Variants in TENM2 observed in about 807,000 individuals in gnomAD.
TENM2 encodes teneurin transmembrane protein 2.
In TENM2, 52 loss-of-function variants were observed where a neutral mutation model predicts 245.2. The ratio of observed to expected loss-of-function variants is 0.21; its 90% CI spans 0.17 to 0.27. TENM2 has a LOEUF of 0.27. Among genes scored for constraint, TENM2 ranks in the 10% least tolerant of loss-of-function variants. The probability of loss-of-function intolerance (pLI) is 1.00; values close to 1 mark genes in which losing one functional copy is unlikely to be tolerated. For missense variants in TENM2, 3,046 were observed against 3,666.8 expected (o/e 0.83, Z 4.37); for synonymous variants, 1,363 against 1,438.9 (o/e 0.95, Z 1.19).
chr5:167,034,029 T>C, the TENM2 span, among the ~76,000 whole-genome samples: 2 of 152,180 alleles, frequency 1.3e-5, no homozygotes, highest in East Asian at 1.9e-4. Context: ...GAAAATCTTT[T>C]GGATGAAATA....
At chr5:167,728,340 C>A (rs908810445) in intron 2 of TENM2, among the ~76,000 whole-genome samples, 1 of 151,882 alleles carries the variant, frequency 6.6e-6, no homozygotes, top group Non-Finnish European at 1.5e-5. Flanking sequence ...TGATGGCTCA[C>A]GCCTGTAATC....
chr5:167,868,263 G>T (rs996428836), intron 2 of TENM2, among the ~76,000 whole-genome samples: 1 of 152,076 alleles, frequency 6.6e-6, no homozygotes, highest in African/African-American at 2.4e-5. Flanking sequence ...ATCTCCCCTA[G>T]GGAGCAGGAT....
At chr5:167,847,162 A>C (rs555322860) in intron 2 of TENM2, among the ~76,000 whole-genome samples, 8 of 152,300 alleles carry the variant, frequency 5.3e-5, no homozygotes, top group East Asian at 1.9e-4. Flanking sequence ...TATGTTGCCC[A>C]AGTTGATCTT....
chr5:167,061,367 T>G, the TENM2 span, among the ~76,000 whole-genome samples: 3 of 152,240 alleles, frequency 2.0e-5, no homozygotes, highest in Non-Finnish European at 4.4e-5. Context: ...GCACTCATCC[T>G]AAAGTTGGGC....
At chr5:167,745,370 A>G (rs1432463190) in intron 2 of TENM2, among the ~76,000 whole-genome samples, 2 of 152,198 alleles carry the variant, frequency 1.3e-5, no homozygotes, top group Non-Finnish European at 2.9e-5. Flanking sequence ...ATCTCTGCCC[A>G]AAGAAGCCAG....
chr5:167,120,208 A>G, the TENM2 span, among the ~76,000 whole-genome samples: 1 of 152,178 alleles, frequency 6.6e-6, no homozygotes, highest in Non-Finnish European at 1.5e-5. Flanking sequence ...AAAGCCATTG[A>G]AAGATTTTTG....
the TENM2 span, among the ~76,000 whole-genome samples, chr5:167,046,736 A>T: frequency 1.0e-4 from 9 of 86,160 alleles, no homozygotes; most frequent in Admixed American, 7.9e-4. Context: ...TGTGGAGAAC[A>T]TCCAGGTTCG....
At chr5:167,554,710 G>A (rs541424569) in intron 2 of TENM2, among the ~76,000 whole-genome samples, 3 of 152,294 alleles carry the variant, frequency 2.0e-5, no homozygotes, top group East Asian at 3.9e-4. Context: ...GTACACAGAG[G>A]GGCTGGAATT....
the TENM2 span, among the ~76,000 whole-genome samples, chr5:166,985,247 G>A: frequency 6.6e-6 from 1 of 152,052 alleles, no homozygotes; most frequent in African/African-American, 2.4e-5. Flanking sequence ...ATGATACCTG[G>A]AATTGGAGAC....
At chr5:167,149,746 T>C in the TENM2 span, among the ~76,000 whole-genome samples, 550 of 152,322 alleles carry the variant, frequency 3.6e-3, 4 homozygotes, top group South Asian at 5.6e-3. Context: ...ATCTTCCTTA[T>C]CTCTCCTTCC....
intron 2 of TENM2, among the ~76,000 whole-genome samples, chr5:167,809,094 T>C (rs958759511): frequency 4.6e-5 from 7 of 152,180 alleles, no homozygotes; most frequent in African/African-American, 1.7e-4. Context: ...TCCTCCAGGA[T>C]GCTAGGCATA....
chr5:167,575,624 T>C (rs1250886451), intron 2 of TENM2, among the ~76,000 whole-genome samples: 1 of 152,148 alleles, frequency 6.6e-6, no homozygotes, highest in African/African-American at 2.4e-5. Context: ...GGTCTGATCA[T>C]ACTTCATCAT....
rs1773611955 is a variant in TENM2, at chr5:167,878,519, T to C, written c.712+2324T>C. Among the ~76,000 whole-genome samples the C allele has an allele frequency of 2.6e-5, 4 of 152,036 alleles. No individual in the cohort carries two copies. The South Asian group carries it at 8.3e-4, about 32-fold the overall frequency. On this transcript the variant is annotated intron_variant, in intron 3 of 28. Coordinates refer to ENST00000518659, the Ensembl canonical transcript of TENM2. ...CAGGCAGTCATTAGAAATTCTGGAC[T>C]CTGGCTTAGCTAAAATGAGAGCAAA...
chr5:167,304,757 T>C (rs895871958), intron 1 of TENM2, among the ~76,000 whole-genome samples: 2 of 152,232 alleles, frequency 1.3e-5, no homozygotes, highest in African/African-American at 4.8e-5. Context: ...TTGAATTTTT[T>C]TGTTGCTGTT....
At chr5:168,075,840 C>G (rs1316673817) in intron 7 of TENM2, among the ~76,000 whole-genome samples, 3 of 152,202 alleles carry the variant, frequency 2.0e-5, no homozygotes, top group Admixed American at 2.0e-4. Flanking sequence ...AAAGGCACAT[C>G]TACATGGTGG....
intron 2 of TENM2, among the ~76,000 whole-genome samples, chr5:167,380,253 A>G (rs914116095): frequency 1.3e-5 from 2 of 152,174 alleles, no homozygotes; most frequent in African/African-American, 2.4e-5. Context: ...ATATATGATT[A>G]CTATGATGCT....
the TENM2 span, among the ~76,000 whole-genome samples, chr5:167,137,263 A>G: frequency 6.6e-6 from 1 of 152,100 alleles, no homozygotes; most frequent in Admixed American, 6.6e-5. Context: ...GACCTCCTCT[A>G]TCTTCTTTGT....
rs114203668 is a variant in TENM2, at chr5:167,886,678, C to T, written c.712+10483C>T. Among the ~76,000 whole-genome samples, 359 of 152,272 alleles carry T rather than the reference C, an allele frequency of 2.4e-3. 1 individual carries two copies. The highest frequency in any genetic ancestry group is 8.3e-3 in the African/African-American group (346 of 41,558). On this transcript the variant is annotated intron_variant, in intron 3 of 28. Coordinates refer to ENST00000518659, the Ensembl canonical transcript of TENM2. ...ATAGAAGAAGATTGCTATTTTTGAA[C>T]TGAACGTTATAGAACGATTTAATTC...
At chr5:167,499,898 G>A (rs998153690) in intron 2 of TENM2, among the ~76,000 whole-genome samples, 2 of 149,410 alleles carry the variant, frequency 1.3e-5, no homozygotes, top group Non-Finnish European at 1.5e-5. Flanking sequence ...GTGTATATGT[G>A]TATGTGAGGG....
Sources: allele counts gnomAD v4.1 joint callset (sites outside exome capture counted in the v4.1 genomes callset), GRCh38; gene constraint gnomAD v4.1.1; transcripts MANE v1.5; gene names NCBI Gene and HGNC (gene_info 2026-07-23, HGNC 2026-07-21).